The following ITGB4 variants were observed in gnomAD, a reference collection of about 807,000 sequenced individuals.
The protein encoded by ITGB4 is integrin beta-4.
A neutral mutation model predicts 207.6 loss-of-function variants in ITGB4; 159 were observed. The ratio of observed to expected loss-of-function variants is 0.77; its 90% CI spans 0.67 to 0.87. The LOEUF is 0.87. Among genes scored for constraint, ITGB4 ranks in the 40% least tolerant of loss-of-function variants. The pLI, the probability that ITGB4 is intolerant of heterozygous loss-of-function variation, is 0.00. For synonymous variants in ITGB4, 1,020 were observed against 1,062.7 expected (o/e 0.96, Z 0.78); for missense variants, 2,278 against 2,546.8 (o/e 0.89, Z 2.27).
At position 75,751,006 on chromosome 17, in the gene ITGB4, G is replaced by C. The variant is rs556531619; in HGVS notation, c.3688G>C (p.Val1230Leu). ...PSEPGRLAFN[V>L]VSSTVTQLSW... Reference sequence around the variant, plus strand: ...CGAGCCAGGGCGTCTGGCCTTCAATGTCGTCTCCTCCACGGTGACCCAGCT... The same window carrying C: ...CGAGCCAGGGCGTCTGGCCTTCAATCTCGTCTCCTCCACGGTGACCCAGCT... The change falls in exon 30 of 40, where the codon GTC becomes CTC. Residue 1230 changes from valine to leucine, a missense_variant. Physicochemically the swap from Val to Leu is conservative, Grantham distance 32. Transcript: ENST00000200181. 2 of 1,613,832 alleles carry C rather than the reference G, an allele frequency of 1.2e-6. No individual in the cohort carries two copies. Among genetic ancestry groups the C allele is most frequent in the East Asian group, 4.5e-5 (2 of 44,886 alleles).
chr17:75,725,979 G>A (rs1329419494), intron 2 of ITGB4, among the ~76,000 whole-genome samples: 2 of 152,262 alleles, frequency 1.3e-5, no homozygotes, highest in Non-Finnish European at 2.9e-5. Context: ...CCGTCTGGCT[G>A]GACCTGAGGA....
chr17:75,739,953 G>C lies in ITGB4; in HGVS notation c.2328G>C (p.Thr776=), dbSNP rs148267210. The C allele has an allele frequency of 6.2e-7, 1 of 1,613,282 alleles. No homozygotes were observed. Among genetic ancestry groups the C allele is most frequent in the Admixed American group, 1.7e-5 (1 of 60,028 alleles). ...TGATGGCCTCTGACCACTTGGACAC[G>C]CCCATGCTGCGCAGCGGGAACCTCA... is the stretch of plus-strand genomic sequence containing the variant. ...ENLMASDHLD[T]PMLRSGNLKG... Residue 776 remains threonine (T), a synonymous_variant, in exon 20 of 40, where the codon ACG becomes ACC. Coordinates refer to ENST00000200181, the MANE Select transcript of ITGB4 (RefSeq NM_000213.5). The surrounding 1 kb of genome is among the most constrained non-coding windows in gnomAD (Gnocchi z 5.4).
At chr17:75,757,331 G>A in intron 39 of ITGB4, 21 bp downstream of exon 39, 1 of 1,612,680 alleles carries the variant, frequency 6.2e-7, no homozygotes, top group Non-Finnish European at 8.5e-7. Context: ...AGGGCTAGGG[G>A]ATCCCGGCTC....
At chr17:75,737,800 T>A in intron 18 of ITGB4, among the ~76,000 whole-genome samples, 156 bp downstream of exon 18, 1 of 132,206 alleles carries the variant, frequency 7.6e-6, no homozygotes, top group African/African-American at 2.9e-5. Flanking sequence ...AGGGTCCCCA[T>A]CCCAACAGGG....
At position 75,730,930 on chromosome 17, in the gene ITGB4, C is replaced by G. The variant is rs1057366706; in HGVS notation, c.1058C>G (p.Ser353Cys). Residue 353 changes from serine to cysteine, a missense_variant, in exon 9 of 40, where the codon TCC (serine) becomes TGC (cysteine). Coordinates refer to ENST00000200181, the MANE Select transcript of ITGB4 (RefSeq NM_000213.5). ...CTGGGGGTGCTGCAGGAGGACTCGT[C>G]CAACATCGTGGAGCTGCTGGAGGAG... The part of the protein sequence containing the change: ...SSLGVLQEDS[S>C]NIVELLEEAF... The G allele has an allele frequency of 6.2e-7, 1 of 1,613,902 alleles. No individual in the cohort carries two copies. Among genetic ancestry groups the G allele is most frequent in the Admixed American group, 1.7e-5 (1 of 60,014 alleles).
chr17:75,750,849 C>T lies in ITGB4; in HGVS notation c.3644C>T (p.Thr1215Ile). 1 of 1,613,422 alleles carries T rather than the reference C, an allele frequency of 6.2e-7. No individual in the cohort carries two copies. The highest frequency in any genetic ancestry group is 8.5e-7 in the Non-Finnish European group (1 of 1,180,002). The change falls in exon 29 of 40, where the codon ACC becomes ATC. Residue 1215 changes from threonine to isoleucine, a missense_variant. Physicochemically the swap from Thr to Ile is moderately conservative, Grantham distance 89. Coordinates refer to ENST00000200181, the MANE Select transcript of ITGB4 (RefSeq NM_000213.5). The surrounding 1 kb of genome is among the most constrained non-coding windows in gnomAD (Gnocchi z 5.5). ...TACAGCTCCCTGGTGTCCTGCCGCA[C>T]CCACCAGGAAGGTGAGGCCTCGCCA... ...GPYSSLVSCRTHQEVPSEPGR... is the reference protein window; with the variant it reads ...GPYSSLVSCRIHQEVPSEPGR...
Position 75,740,867 on chromosome 17 carries a change from C to G in ITGB4, c.2609+16C>G, listed in dbSNP as rs1381440268. 2 of 1,613,654 alleles carry G rather than the reference C, an allele frequency of 1.2e-6. No individual in the cohort carries two copies. The highest frequency in any genetic ancestry group is 1.7e-6 in the Non-Finnish European group (2 of 1,179,980). On this transcript the variant is annotated intron_variant, in intron 22 of 39. Transcript: ENST00000200181. The surrounding 1 kb of genome is among the most constrained non-coding windows in gnomAD (Gnocchi z 5.9). The stretch of plus-strand genomic sequence containing the variant: ...CCAAGTTCCGGTGAGTCCCGGGGTG[C>G]CCGGGTTGGGTGGGGGAGCCGCTCC...
In ITGB4 at chr17:75,757,572, C is replaced by T. The variant is rs781453435; in HGVS notation, c.*17C>T. Reference sequence around the variant, plus strand: ...CAAACTTGACCGCACCCTGCCCCACCCCCGCCACGTCCCACTAGGCGTCCT... The same window carrying T: ...CAAACTTGACCGCACCCTGCCCCACTCCCGCCACGTCCCACTAGGCGTCCT... On this transcript the variant is annotated 3_prime_UTR_variant, in exon 40 of 40. Coordinates refer to ENST00000200181, the MANE Select transcript of ITGB4 (RefSeq NM_000213.5). The T allele has an allele frequency of 2.5e-6, 4 of 1,613,218 alleles. No homozygotes were observed. The highest frequency in any genetic ancestry group is 2.5e-6 in the Non-Finnish European group (3 of 1,179,876).
At position 75,752,241 on chromosome 17, in the gene ITGB4, C is replaced by T. The variant is rs145351926; in HGVS notation, c.3861C>T (p.Asn1287=). ...AGAACCGGATGCTGCTTATTGAGAACCTTCGGGAGTCCCAGCCCTACCGCT... is the reference window on the plus strand; with the variant it reads ...AGAACCGGATGCTGCTTATTGAGAATCTTCGGGAGTCCCAGCCCTACCGCT... ...NPKNRMLLIE[N]LRESQPYRYT... The change falls in exon 31 of 40, where the codon AAC becomes AAT. Residue 1287 remains asparagine (N), a synonymous_variant. Coordinates refer to ENST00000200181, the MANE Select transcript of ITGB4 (RefSeq NM_000213.5). 3.4e-3 allele frequency: 5,516 copies of T among 1,613,712 alleles called. 12 individuals carry two copies. The highest frequency in any genetic ancestry group is 4.4e-3 in the Non-Finnish European group (5,227 of 1,179,982).
chr17:75,723,210 G>C (rs1041870507), intron 1 of ITGB4, among the ~76,000 whole-genome samples: 13 of 152,132 alleles, frequency 8.5e-5, no homozygotes, highest in Admixed American at 3.9e-4. Context: ...TTCTGTGCCT[G>C]GTCTCTCATC....
In ITGB4 at chr17:75,724,754, G is replaced by A; in HGVS notation, c.51G>A (p.Leu17=). The A allele has an allele frequency of 6.2e-7, 1 of 1,613,742 alleles. No individual in the cohort carries two copies. The highest frequency in any genetic ancestry group is 8.5e-7 in the Non-Finnish European group (1 of 1,180,036). Residue 17 remains leucine, a synonymous_variant, in exon 2 of 40, where the codon TTG becomes TTA. Transcript: ENST00000200181. ...SPWARLLLAA[L]ISVSLSGTLA... is the part of the protein sequence containing the mutation. ...GGGCCAGGCTGCTCCTGGCAGCCTT[G>A]ATCAGCGTCAGCCTCTCTGGGACCT...
At chr17:75,757,366 G>C (rs139796235) in intron 39 of ITGB4, 50 bp from the exon 40 acceptor site, 1 of 1,612,888 alleles carries the variant, frequency 6.2e-7, no homozygotes, top group South Asian at 1.1e-5. Context: ...GCTAGCAGAG[G>C]GAGAAGGGCA....
Position 75,729,546 on chromosome 17 carries a change from G to A in ITGB4, c.738+110G>A. 8.6e-7 allele frequency: 1 copy of A among 1,169,394 alleles called. No homozygotes were observed. The highest frequency in any genetic ancestry group is 1.2e-6 in the Non-Finnish European group (1 of 847,532). 72.4% of individuals were successfully genotyped at this position (1,169,394 alleles called of 1,614,324 possible). A position where few individuals can be genotyped will look rare whatever the true frequency, so the allele number is the denominator to read the frequency against. The stretch of plus-strand genomic sequence containing the variant: ...GGTGCCAGGCTCACAGGCCCTGAGG[G>A]AAAGCCTGGGAGCCTGCAACCCCTT... On this transcript the variant is annotated intron_variant, in intron 7 of 39. Coordinates refer to ENST00000200181, the MANE Select transcript of ITGB4 (RefSeq NM_000213.5). The surrounding 1 kb of genome is among the most constrained non-coding windows in gnomAD (Gnocchi z 4.4).
In ITGB4 at chr17:75,742,286, G is replaced by A. The variant is rs1318911122; in HGVS notation, c.2634-55G>A. The A allele has an allele frequency of 2.5e-6, 4 of 1,608,910 alleles. No homozygotes were observed. In the African/African-American group the frequency reaches 4.0e-5, roughly 16 times the overall value. ...GGAGAAGACAGGCAGGAGGGACAGG[G>A]CAGCAGGTGCCAGCCTGACCCCTCC... On this transcript the variant is annotated intron_variant, in intron 23 of 39. Coordinates refer to ENST00000200181, the MANE Select transcript of ITGB4 (RefSeq NM_000213.5). The surrounding 1 kb of genome is among the most constrained non-coding windows in gnomAD (Gnocchi z 5.9).
chr17:75,752,424 G>A (rs1459445260), intron 31 of ITGB4, 22 bp from the exon 32 acceptor site: 2 of 1,613,002 alleles, frequency 1.2e-6, no homozygotes, highest in Admixed American at 3.3e-5. Context: ...CCAGGGCCCT[G>A]GCTCACTCCC....
intron 32 of ITGB4, among the ~76,000 whole-genome samples, chr17:75,753,110 T>C (rs1426048629): frequency 6.6e-6 from 1 of 152,234 alleles, no homozygotes; most frequent in African/African-American, 2.4e-5. Context: ...GCCTCACTTT[T>C]CTGCTCTGTA....
chr17:75,722,373 C>T lies in ITGB4; in HGVS notation c.-11+761C>T, dbSNP rs1431933268. Among the ~76,000 whole-genome samples the T allele has an allele frequency of 6.6e-6, 1 of 152,172 alleles. No homozygotes were observed. Among genetic ancestry groups the T allele is most frequent in the African/African-American group, 2.4e-5 (1 of 41,438 alleles). ...TCCCAGGAGCAGGGACAGGGCTTCT[C>T]CTCTGCCCCCATGGCCTTGCCACAC... On this transcript the variant is annotated intron_variant, in intron 1 of 39. Coordinates refer to ENST00000200181, the MANE Select transcript of ITGB4 (RefSeq NM_000213.5). This position sits in a 1 kb window ranked among gnomAD's most constrained non-coding sequence, Gnocchi z 6.2.
intron 13 of ITGB4, among the ~76,000 whole-genome samples, chr17:75,735,121 T>C (rs2060945009): frequency 6.6e-6 from 1 of 152,226 alleles, no homozygotes; most frequent in Non-Finnish European, 1.5e-5. Flanking sequence ...GGAGTCTTGC[T>C]CTGTCACCCA....
At position 75,730,380 on chromosome 17, in the gene ITGB4, C is replaced by T. The variant is rs773163278; in HGVS notation, c.878C>T (p.Thr293Met). The change falls in exon 8 of 40, where the codon ACG (threonine) becomes ATG (methionine). Residue 293 changes from threonine to methionine, a missense_variant. By Grantham distance (81) the Thr-to-Met change is moderately conservative. Transcript: ENST00000200181. ...GATGAACGGTGCCACCTGGACACCA[C>T]GGGCACCTACACCCAGTACAGGACA... ...RNDERCHLDTTGTYTQYRTQD... is the reference protein window; with the variant it reads ...RNDERCHLDTMGTYTQYRTQD... 1.5e-5 allele frequency: 24 copies of T among 1,613,854 alleles called. No homozygotes were observed. The highest frequency in any genetic ancestry group is 8.3e-5 in the Admixed American group (5 of 60,004).
Sources: gnomAD v4.1 joint callset for allele counts (sites outside exome capture counted in the v4.1 genomes callset) on GRCh38, gnomAD v4.1.1 for gene constraint, Gnocchi (gnomAD v3.1) non-coding constraint, MANE v1.5 for transcripts, NCBI Gene and HGNC (gene_info 2026-07-23, HGNC 2026-07-21) for gene names.